Variants in FAM13A observed in about 807,000 individuals in gnomAD.
FAM13A encodes family with sequence similarity 13 member A.
Under a neutral mutation model 129.6 loss-of-function variants are expected in FAM13A, and 76 were observed. That is an observed-to-expected ratio of 0.59 (90% CI 0.49 to 0.71). FAM13A has a LOEUF of 0.71. Ranked by LOEUF, FAM13A falls within the 30% of genes least tolerant of loss-of-function variation. The pLI, the probability that FAM13A is intolerant of heterozygous loss-of-function variation, is 0.00. For synonymous variants in FAM13A, 443 were observed against 449.9 expected, an observed-to-expected ratio of 0.98 and a Z score of 0.20; for missense variants, 1,108 against 1,249.3, an observed-to-expected ratio of 0.89 and a Z score of 1.70.
At position 88,924,629 on chromosome 4, in the gene FAM13A, A is replaced by T. The variant is rs1400564425; in HGVS notation, c.759+13459T>A. Among the ~76,000 whole-genome samples, 3 of 152,320 alleles carry T rather than the reference A, an allele frequency of 2.0e-5. No individual in the cohort carries two copies. In the East Asian group the frequency reaches 5.8e-4, roughly 29 times the overall value. ...GAAGAAAACCTAGGCATTACCATTCAGGACATAGGCATGGGCAAGGACTTC... is the reference window on the plus strand; with the variant it reads ...GAAGAAAACCTAGGCATTACCATTCTGGACATAGGCATGGGCAAGGACTTC... On this transcript the variant is annotated intron_variant, in intron 5 of 23. Transcript: ENST00000264344.
intron 23 of FAM13A, 103 bp downstream of exon 23, chr4:88,731,223 GT>G (rs1431053904): frequency 7.8e-6 from 5 of 644,506 alleles, no homozygotes; most frequent in Non-Finnish European, 1.3e-5. Flanking sequence ...ATGCAGAAGA[GT>G]CCCCCCTTTG....
intron 11 of FAM13A, among the ~76,000 whole-genome samples, chr4:88,779,581 C>G (rs759268631): frequency 6.6e-6 from 1 of 152,084 alleles, no homozygotes; most frequent in East Asian, 1.9e-4. Context: ...AACAAAGACA[C>G]GGTCCACTGA....
chr4:88,945,868 A>T (rs1755651083), intron 4 of FAM13A, among the ~76,000 whole-genome samples: 1 of 124,494 alleles, frequency 8.0e-6, no homozygotes, highest in African/African-American at 3.2e-5. Flanking sequence ...ATACACATAG[A>T]ATACATATAT....
intron 6 of FAM13A, among the ~76,000 whole-genome samples, chr4:88,880,115 G>A (rs1030254348): frequency 6.6e-6 from 1 of 152,128 alleles, no homozygotes; most frequent in Admixed American, 6.5e-5. Context: ...GAAGGAGAGA[G>A]CAGCATGTGG....
At chr4:89,044,280 T>G (rs984428521) in intron 1 of FAM13A, among the ~76,000 whole-genome samples, 1 of 152,202 alleles carries the variant, frequency 6.6e-6, no homozygotes, top group Non-Finnish European at 1.5e-5. Context: ...TATAATCATT[T>G]TTCCAAATAA....
At chr4:88,921,758 A>G (rs1325774483) in intron 5 of FAM13A, among the ~76,000 whole-genome samples, 3 of 152,328 alleles carry the variant, frequency 2.0e-5, no homozygotes, top group African/African-American at 7.2e-5. Flanking sequence ...AGACTGGCAA[A>G]TTGGATAAAG....
At chr4:88,994,851 A>G (rs576375020) in intron 3 of FAM13A, among the ~76,000 whole-genome samples, 1 of 125,194 alleles carries the variant, frequency 8.0e-6, no homozygotes, top group African/African-American at 3.0e-5. Flanking sequence ...AAAAAAAAAA[A>G]TTTCCTAATA....
chr4:88,983,001 T>C (rs1761825599), intron 4 of FAM13A, among the ~76,000 whole-genome samples: 1 of 152,166 alleles, frequency 6.6e-6, no homozygotes, highest in African/African-American at 2.4e-5. Context: ...ACTAAACCCT[T>C]TGACTCAACT....
At chr4:89,047,259 T>C (rs1295492044) in intron 1 of FAM13A, among the ~76,000 whole-genome samples, 1 of 152,150 alleles carries the variant, frequency 6.6e-6, no homozygotes, top group Non-Finnish European at 1.5e-5. Context: ...ACAAATATAT[T>C]AAGTGGTTTT....
At chr4:88,731,615 G>T in intron 22 of FAM13A, 187 bp from the exon 23 acceptor site, 1 of 557,598 alleles carries the variant, frequency 1.8e-6, no homozygotes, top group South Asian at 2.5e-5. Flanking sequence ...GCTGGCAACA[G>T]ATCCAGCTTC....
At chr4:89,054,562 GTC>G (rs1032098935) in intron 1 of FAM13A, among the ~76,000 whole-genome samples, 2 of 151,962 alleles carry the variant, frequency 1.3e-5, no homozygotes, top group African/African-American at 2.4e-5. Context: ...CCCTCCCTCA[GTC>G]TCTCTTTTTC....
At chr4:88,783,975 T>C (rs1723474196) in intron 10 of FAM13A, among the ~76,000 whole-genome samples, 1 of 152,120 alleles carries the variant, frequency 6.6e-6, no homozygotes, top group Non-Finnish European at 1.5e-5. Flanking sequence ...CAGTCGGTGG[T>C]ATTTTGTTAT....
chr4:88,908,184 A>G (rs924107639), intron 5 of FAM13A, among the ~76,000 whole-genome samples: 1 of 152,244 alleles, frequency 6.6e-6, no homozygotes, highest in Non-Finnish European at 1.5e-5. Context: ...CACTAGTTAC[A>G]GCACCTGCTG....
chr4:88,973,223 T>G (rs182767919), intron 4 of FAM13A, among the ~76,000 whole-genome samples: 2 of 152,028 alleles, frequency 1.3e-5, no homozygotes, highest in African/African-American at 4.8e-5. Context: ...CAGTCATTAT[T>G]GTTTCAAATA....
chr4:88,921,219 C>T (rs1378135144), intron 5 of FAM13A, among the ~76,000 whole-genome samples: 5 of 151,526 alleles, frequency 3.3e-5, no homozygotes, highest in African/African-American at 4.8e-5. Context: ...AGATACTCCT[C>T]GAGAAGAGCA....
intron 13 of FAM13A, among the ~76,000 whole-genome samples, chr4:88,763,239 T>C (rs2149525446): frequency 6.6e-6 from 1 of 152,242 alleles, no homozygotes; most frequent in South Asian, 2.1e-4. Context: ...CTATAAACAA[T>C]GCTACTTCCA....
chr4:88,801,156 T>G (rs1220683609), intron 8 of FAM13A, among the ~76,000 whole-genome samples: 1 of 152,218 alleles, frequency 6.6e-6, no homozygotes, highest in African/African-American at 2.4e-5. Flanking sequence ...ATATCAGGAA[T>G]AGCAGTGGCA....
intron 8 of FAM13A, among the ~76,000 whole-genome samples, chr4:88,792,162 GT>G (rs919074630): frequency 7.3e-5 from 11 of 151,062 alleles, no homozygotes; most frequent in East Asian, 3.9e-4. Flanking sequence ...CTTTTACATA[GT>G]TTTTTTTTCA....
chr4:88,782,133 G>C (rs1723072289), intron 10 of FAM13A, among the ~76,000 whole-genome samples: 1 of 151,930 alleles, frequency 6.6e-6, no homozygotes, highest in Non-Finnish European at 1.5e-5. Context: ...CTGAAATCTG[G>C]ATTTGTTACT....
Sources: gnomAD v4.1 joint callset for allele counts (sites outside exome capture counted in the v4.1 genomes callset) on GRCh38, gnomAD v4.1.1 for gene constraint, MANE v1.5 for transcripts, NCBI Gene and HGNC (gene_info 2026-07-23, HGNC 2026-07-21) for gene names.